The following CEP152 variants were observed in gnomAD, a reference collection of about 807,000 sequenced individuals.
The protein encoded by CEP152 is centrosomal protein 152, also known as centrosomal protein of 152 kDa.
CEP152 carries 132 observed loss-of-function variants against 188.9 expected under a neutral mutation model. The observed-to-expected ratio is 0.70, with a 90% confidence interval of 0.61 to 0.81. CEP152 has a LOEUF of 0.81. CEP152 is among the 30% of genes least tolerant of loss of function. CEP152 has a pLI of 0.00. For missense variants in CEP152, 1,914 were observed against 1,969.8 expected (o/e 0.97, Z 0.54); for synonymous variants, 649 against 666.6 (o/e 0.97, Z 0.41).
intron 12 of CEP152, among the ~76,000 whole-genome samples, chr15:48,780,902 C>CAGTCTCT (rs1309564498): frequency 2.0e-5 from 3 of 152,170 alleles, no homozygotes; most frequent in Non-Finnish European, 2.9e-5. Flanking sequence ...CCTCCCTAGT[C>CAGTCTCT]AGTCTCTAGC....
At chr15:48,796,996 G>A (rs1424595216) in intron 5 of CEP152, among the ~76,000 whole-genome samples, 1 of 152,214 alleles carries the variant, frequency 6.6e-6, no homozygotes, top group Non-Finnish European at 1.5e-5. Flanking sequence ...GAAGCACAGT[G>A]CAGTGGTAGA....
rs368723147 is a variant in CEP152, at chr15:48,791,356, G to A, written c.853C>T (p.Leu285Phe). Residue 285 changes from leucine (L) to phenylalanine (F), a missense_variant, in exon 8 of 27, where the codon CTC becomes TTC. Leu to Phe is a conservative substitution (Grantham distance 22). Coordinates refer to ENST00000380950, the MANE Select transcript of CEP152 (RefSeq NM_001194998.2). ...AGTTTCTGTGATTCTCGAAGGCTGA[G>A]AGTCAAACCATCCTTTTCATCTACG... ...IIKDEKDGLT[L>F]SLRESQKLFQ... The A allele has an allele frequency of 1.9e-6, 3 of 1,612,296 alleles. No homozygotes were observed. Among genetic ancestry groups the A allele is most frequent in the African/African-American group, 2.7e-5 (2 of 74,972 alleles).
Position 48,756,313 on chromosome 15 carries a change from A to T in CEP152, c.2935T>A (p.Tyr979Asn). The T allele has an allele frequency of 6.3e-7, 1 of 1,574,820 alleles. No individual in the cohort carries two copies. Reference sequence around the variant, plus strand: ...CGGTGATCATCTAAAAATTGCCGGTAATCTTGCTCATTTTGTTCTTGGATT... The same window carrying T: ...CGGTGATCATCTAAAAATTGCCGGTTATCTTGCTCATTTTGTTCTTGGATT... ...HRIQEQNEQD[Y>N]RQFLDDHRNK... The change falls in exon 20 of 27, where the codon TAC (tyrosine) becomes AAC (asparagine). Residue 979 changes from tyrosine to asparagine, a missense_variant. Transcript: ENST00000380950.
chr15:48,768,477 A>G, intron 14 of CEP152, 149 bp from the exon 15 acceptor site: 1 of 602,112 alleles, frequency 1.7e-6, no homozygotes, highest in Non-Finnish European at 2.9e-6. Context: ...GCAAAAGAAA[A>G]AGTCTCTTCA....
intron 21 of CEP152, 112 bp downstream of exon 21, chr15:48,752,237 G>T: frequency 6.4e-7 from 1 of 1,571,756 alleles, no homozygotes; most frequent in Non-Finnish European, 8.7e-7. Context: ...CATTAAGTCA[G>T]ACGATTATTA....
intron 9 of CEP152, among the ~76,000 whole-genome samples, chr15:48,784,800 T>C: frequency 6.6e-6 from 1 of 152,220 alleles, no homozygotes; most frequent in East Asian, 1.9e-4. Context: ...TAAATGTGTA[T>C]GTGCATGTGT....
intron 9 of CEP152, 70 bp from the exon 10 acceptor site, chr15:48,784,190 GA>G: frequency 1.8e-5 from 26 of 1,427,948 alleles, no homozygotes; most frequent in Non-Finnish European, 2.3e-5. Flanking sequence ...TAAAAATTAT[GA>G]TACATAATTA....
chr15:48,753,402 T>C (rs1345784692), intron 20 of CEP152, among the ~76,000 whole-genome samples: 1 of 152,234 alleles, frequency 6.6e-6, no homozygotes, highest in African/African-American at 2.4e-5. Flanking sequence ...ATAGGTGGTA[T>C]GGAGAAAGTA....
At chr15:48,735,805 G>GA (rs778516432), downstream of CEP152, among the ~76,000 whole-genome samples, 1 of 151,924 alleles carries the variant, frequency 6.6e-6, no homozygotes. Context: ...AAGGAAGAGG[G>GA]AAAAATCAAT....
At chr15:48,776,417 C>T (rs891246069) in intron 12 of CEP152, among the ~76,000 whole-genome samples, 8 of 151,976 alleles carry the variant, frequency 5.3e-5, no homozygotes, top group East Asian at 1.9e-4. Flanking sequence ...AGCCTCAGGA[C>T]GTGGGTAATA....
At chr15:48,808,082 A>C (rs1898101458) in intron 1 of CEP152, among the ~76,000 whole-genome samples, 1 of 152,118 alleles carries the variant, frequency 6.6e-6, no homozygotes, top group Non-Finnish European at 1.5e-5. Flanking sequence ...ATGATTTCAG[A>C]CATAAAGGGA....
intron 19 of CEP152, among the ~76,000 whole-genome samples, chr15:48,758,562 T>C (rs1341002099): frequency 2.0e-5 from 3 of 151,572 alleles, no homozygotes; most frequent in Non-Finnish European, 4.4e-5. Context: ...CTACTAAAAA[T>C]ACAAAAATTA....
chr15:48,800,390 C>T (rs1248306970), intron 2 of CEP152, among the ~76,000 whole-genome samples: 2 of 152,134 alleles, frequency 1.3e-5, no homozygotes, highest in Non-Finnish European at 2.9e-5. Flanking sequence ...TAAATAAGGC[C>T]ATTCAGGAAC....
At chr15:48,771,965 C>T (rs1314525898) in intron 13 of CEP152, among the ~76,000 whole-genome samples, 2 of 152,206 alleles carry the variant, frequency 1.3e-5, no homozygotes, top group Non-Finnish European at 2.9e-5. Context: ...ATGCACATAA[C>T]TTTTCCACCA....
Position 48,767,078 on chromosome 15 carries a change from C to G in CEP152, c.2262G>C (p.Glu754Asp). The G allele has an allele frequency of 6.2e-7, 1 of 1,613,166 alleles. No homozygotes were observed. The highest frequency in any genetic ancestry group is 8.5e-7 in the Non-Finnish European group (1 of 1,179,992). Residue 754 changes from glutamate (E) to aspartate (D), a missense_variant, in exon 17 of 27, where the codon GAG becomes GAC. By Grantham distance (45) the Glu-to-Asp change is conservative. Transcript: ENST00000380950. ...ELTLRKTTEK[E>D]QQTQEKIKEK... is the part of the protein sequence containing the mutation. Reference sequence around the variant, plus strand: ...ACTGTACCTTCTCCTGAGTCTGTTGCTCCTTTTCAGTGGTCTTCCTGAGAG... The same window carrying G: ...ACTGTACCTTCTCCTGAGTCTGTTGGTCCTTTTCAGTGGTCTTCCTGAGAG...
chr15:48,760,197 C>G lies in CEP152; in HGVS notation c.2632G>C (p.Ala878Pro). The change falls in exon 19 of 27, where the codon GCA becomes CCA. Residue 878 changes from alanine (A) to proline (P), a missense_variant. Ala to Pro is a conservative substitution (Grantham distance 27). Transcript: ENST00000380950. ...GELPELAEYQ[A>P]LVKAEQKKWE... ...TTTTTCTGTTCTGCCTTCACAAGTG[C>G]TTGATACTCTGCCAGCTCTGGTAGT... 1 of 1,614,084 alleles carries G rather than the reference C, an allele frequency of 6.2e-7. No individual in the cohort carries two copies. Among genetic ancestry groups the G allele is most frequent in the Non-Finnish European group, 8.5e-7 (1 of 1,179,978 alleles).
At chr15:48,744,216 T>C (rs1417584026) in intron 24 of CEP152, 24 bp downstream of exon 24, 2 of 1,613,018 alleles carry the variant, frequency 1.2e-6, no homozygotes. Flanking sequence ...AAGCCATCCT[T>C]AAAATCTTCA....
Position 48,765,636 on chromosome 15 carries a change from A to ATTTTTTTTTTTTTTTTTTTTTTTTTTT in CEP152, c.2280+1397_2280+1423dup. Reference sequence around the variant, plus strand: ...GAAAATTCCTCTTATGTTCTTGCCAATTTTTTTTTTTTTTTTTTTTTTTTT... The same window carrying ATTTTTTTTTTTTTTTTTTTTTTTTTTT: ...GAAAATTCCTCTTATGTTCTTGCCAATTTTTTTTTTTTTTTTTTTTTTTTTTTTTTTTTTTTTTTTTTTTTTTTTTTT... On this transcript the variant is annotated intron_variant, in intron 17 of 26. Coordinates refer to ENST00000380950, the MANE Select transcript of CEP152 (RefSeq NM_001194998.2). 2.1e-5 allele frequency: 4 copies of ATTTTTTTTTTTTTTTTTTTTTTTTTTT among 189,476 alleles called. 1 individual carries two copies. Among genetic ancestry groups the ATTTTTTTTTTTTTTTTTTTTTTTTTTT allele is most frequent in the African/African-American group, 1.3e-4 (2 of 15,724 alleles). 11.7% of individuals were successfully genotyped at this position (189,476 alleles called of 1,614,324 possible).
intron 12 of CEP152, among the ~76,000 whole-genome samples, chr15:48,776,356 C>T (rs1329339144): frequency 1.3e-5 from 2 of 151,798 alleles, no homozygotes; most frequent in Non-Finnish European, 2.9e-5. Context: ...AAATTATAAA[C>T]AGGAAAAGTG....
Sources: gnomAD v4.1 joint callset for allele counts (sites outside exome capture counted in the v4.1 genomes callset) on GRCh38, gnomAD v4.1.1 for gene constraint, MANE v1.5 for transcripts, NCBI Gene and HGNC (gene_info 2026-07-23, HGNC 2026-07-21) for gene names.